ZNF577: variants seen among roughly 807,000 people sequenced by gnomAD.
ZNF577 encodes the protein zinc finger protein 577.
In ZNF577, 14 loss-of-function variants were observed where a neutral mutation model predicts 13.9. That is an observed-to-expected ratio of 1.00 (90% CI 0.66 to 1.57). ZNF577 has a LOEUF of 1.57. Ranked by LOEUF, ZNF577 falls within the 40% of genes most tolerant of loss-of-function variation. The pLI, the probability that ZNF577 is intolerant of heterozygous loss-of-function variation, is 0.00. For synonymous variants in ZNF577, 203 were observed against 202.9 expected (o/e 1.00, Z 0.00); for missense variants, 555 against 579.2 (o/e 0.96, Z 0.43).
chr19:51,884,330 G>C (rs77082285), intron 1 of ZNF577, among the ~76,000 whole-genome samples: 16 of 152,020 alleles, frequency 1.1e-4, no homozygotes, highest in African/African-American at 3.9e-4. Flanking sequence ...ACTGGGATAC[G>C]TACAAGTTTC....
intron 5 of ZNF577, among the ~76,000 whole-genome samples, chr19:51,852,937 T>TC (rs199937255): frequency 0.012 from 1,882 of 151,706 alleles, 48 homozygotes; most frequent in African/African-American, 0.044. Context: ...TCTTTTCTTT[T>TC]TTTTTTTCTT....
chr19:51,837,329 T>G (rs1226039168), intron 9 of ZNF577, among the ~76,000 whole-genome samples: 1 of 152,222 alleles, frequency 6.6e-6, no homozygotes, highest in Non-Finnish European at 1.5e-5. Flanking sequence ...TTGATACAGC[T>G]GAGCGCTGAT....
intron 5 of ZNF577, among the ~76,000 whole-genome samples, chr19:51,852,789 C>T (rs1014785023): frequency 3.3e-5 from 5 of 152,216 alleles, no homozygotes; most frequent in African/African-American, 1.2e-4. Context: ...GTGTTCCCAT[C>T]ACATGTTAAA....
downstream of ZNF577, among the ~76,000 whole-genome samples, chr19:51,865,154 T>C (rs953307625): frequency 6.6e-6 from 1 of 152,182 alleles, no homozygotes; most frequent in African/African-American, 2.4e-5. Flanking sequence ...TGGAGTGCAA[T>C]GGCGCAATCT....
In ZNF577 at chr19:51,879,604, CATATGT is replaced by C. The variant is rs200668583; in HGVS notation, c.60+713_60+718del. 9.9e-3 allele frequency among the ~76,000 whole-genome samples: 1,506 copies of C among 152,222 alleles called. 15 individuals carry two copies. Among genetic ancestry groups the C allele is most frequent in the South Asian group, 0.019 (93 of 4,830 alleles). ...AAAAAAGTAATAATATTTATAATTACATATGTATAAGTATACACAAGTATGTATACA... is the reference window on the plus strand; with the variant it reads ...AAAAAAGTAATAATATTTATAATTACATAAGTATACACAAGTATGTATACA... On this transcript the variant is annotated intron_variant, in intron 3 of 5. Coordinates refer to ENST00000638348, the MANE Select transcript of ZNF577 (RefSeq NM_001370449.1).
chr19:51,815,328 G>A (rs907468786), intron 9 of ZNF577, among the ~76,000 whole-genome samples: 5 of 152,176 alleles, frequency 3.3e-5, no homozygotes, highest in African/African-American at 7.2e-5. Context: ...CTCGAAGGCC[G>A]AGGTGGGTGG....
chr19:51,882,993 A>ATTT (rs536929212), intron 1 of ZNF577, among the ~76,000 whole-genome samples: 5 of 133,030 alleles, frequency 3.8e-5, no homozygotes, highest in Non-Finnish European at 4.8e-5. Context: ...TTTAAAAAAA[A>ATTT]TTTTTTTTTT....
At chr19:51,855,696 T>C (rs997305873) in intron 5 of ZNF577, 11 of 152,174 alleles carry the variant, frequency 7.2e-5, no homozygotes, top group Admixed American at 2.0e-4. Flanking sequence ...AGTTAAACAA[T>C]TGAAGCTGAT....
intron 9 of ZNF577, chr19:51,817,650 T>C (rs562089976): frequency 6.6e-6 from 1 of 152,330 alleles, no homozygotes; most frequent in Non-Finnish European, 1.5e-5. Context: ...ACTTCTCTGT[T>C]CTACTCATCA....
chr19:51,859,763 GAAAAA>G (rs1049993248), intron 5 of ZNF577, among the ~76,000 whole-genome samples: 2 of 151,868 alleles, frequency 1.3e-5, no homozygotes, highest in African/African-American at 2.4e-5. Context: ...TGATTCATAA[GAAAAA>G]AACATTTTAT....
chr19:51,823,706 A>G, intron 9 of ZNF577: 1 of 1,482,994 alleles, frequency 6.7e-7, no homozygotes, highest in Non-Finnish European at 9.1e-7. Context: ...ATGGTGTCAC[A>G]GCTGAGAAAT....
At chr19:51,862,328 G>A (rs1397737027), downstream of ZNF577, 1 of 152,446 alleles carries the variant, frequency 6.6e-6, no homozygotes, top group East Asian at 1.9e-4. Flanking sequence ...CTTACTGCAT[G>A]ATGAGTTTTC....
chr19:51,877,185 A>G, intron 5 of ZNF577, 97 bp downstream of exon 5: 1 of 1,002,612 alleles, frequency 1.0e-6, no homozygotes, highest in Admixed American at 2.0e-5. Flanking sequence ...ACTACTGTGA[A>G]GTCCTCTAAA....
At position 51,806,010 on chromosome 19, in the gene ZNF577, T is replaced by A. The variant is rs770150132; in HGVS notation, c.*818-756A>T. Among the ~76,000 whole-genome samples the A allele has an allele frequency of 3.9e-5, 6 of 152,276 alleles. No individual in the cohort carries two copies. The South Asian group carries it at 1.2e-3, about 32-fold the overall frequency. On this transcript the variant is annotated intron_variant and NMD_transcript_variant, in intron 10 of 10. Transcript: ENST00000638827. The stretch of plus-strand genomic sequence containing the variant: ...AATGCAGTGATATAACTGGCAAGAT[T>A]TACAGGTCAACTGGGTATTGTTTAC...
At position 51,885,643 on chromosome 19, in the gene ZNF577, C is replaced by A. The variant is rs565156519; in HGVS notation, c.-219+1178G>T. 2.4e-4 allele frequency among the ~76,000 whole-genome samples: 36 copies of A among 152,250 alleles called. 1 individual carries two copies. In the East Asian group the frequency reaches 4.1e-3, roughly 17 times the overall value. On this transcript the variant is annotated intron_variant, in intron 1 of 5. Transcript: ENST00000638348. ...TCTCCTGTCTCATCCTCCTGAGTAG[C>A]TGGGATTACAGACACCCGCTACCAC...
chr19:51,878,458 A>G lies in ZNF577; in HGVS notation c.118T>C (p.Leu40=), dbSNP rs756142393. Residue 40 remains leucine (L), a synonymous_variant, in exon 4 of 6, where the codon TTG becomes CTG. Coordinates refer to ENST00000638348, the MANE Select transcript of ZNF577 (RefSeq NM_001370449.1). ...VGFTREEWQF[L]DQSQKVLYKE... ...TACAAGACCTTCTGAGACTGGTCCA[A>G]AAACTGCCACTCCTCCCTGGTGAAG... 1 of 1,614,162 alleles carries G rather than the reference A, an allele frequency of 6.2e-7. No individual in the cohort carries two copies. Among genetic ancestry groups the G allele is most frequent in the South Asian group, 1.1e-5 (1 of 91,084 alleles).
At chr19:51,808,087 C>G (rs1305472876) in intron 10 of ZNF577, among the ~76,000 whole-genome samples, 1 of 152,206 alleles carries the variant, frequency 6.6e-6, no homozygotes, top group Non-Finnish European at 1.5e-5. Context: ...AACATTTGCT[C>G]TACAAGCTGT....
Position 51,873,468 on chromosome 19 carries a change from A to AC in ZNF577, c.521_522insG (p.Ile174MetfsTer7). 1 of 1,614,192 alleles carries AC rather than the reference A, an allele frequency of 6.2e-7. No individual in the cohort carries two copies. The highest frequency in any genetic ancestry group is 8.5e-7 in the Non-Finnish European group (1 of 1,180,030). On this transcript the variant is annotated frameshift_variant, in exon 6 of 6. Coordinates refer to ENST00000638348, the MANE Select transcript of ZNF577 (RefSeq NM_001370449.1). LOFTEE classifies it low-confidence loss of function (END_TRUNC). The stretch of plus-strand genomic sequence containing the variant: ...CTCCTCTTTCAGTTCTCTGATGTTG[A>AC]ATAAGCTGTGCTTTCCTGGAGAAGG...
chr19:51,840,219 C>T (rs1478811004), intron 8 of ZNF577: 5 of 152,370 alleles, frequency 3.3e-5, no homozygotes, highest in Admixed American at 2.6e-4. Context: ...CAACATTCAG[C>T]GTTCTCACCT....
Sources: gnomAD v4.1 joint callset for allele counts (sites outside exome capture counted in the v4.1 genomes callset) on GRCh38, gnomAD v4.1.1 for gene constraint, MANE v1.5 for transcripts, NCBI Gene and HGNC (gene_info 2026-07-23, HGNC 2026-07-21) for gene names.